Variants in CTR9 observed in about 807,000 individuals in gnomAD.
CTR9 encodes RNA polymerase-associated protein CTR9 homolog.
In CTR9, 41 loss-of-function variants were observed where a neutral mutation model predicts 152.1. The ratio of observed to expected loss-of-function variants is 0.27; its 90% confidence interval spans 0.21 to 0.35. CTR9 has a LOEUF of 0.35. CTR9 is among the 10% of genes least tolerant of loss of function. CTR9 has a pLI of 1.00. For missense variants in CTR9, 917 were observed against 1,424.4 expected (o/e 0.64, Z 5.73); for synonymous variants, 476 against 496.2 (o/e 0.96, Z 0.54).
Position 10,775,312 on chromosome 11 carries a change from A to G in CTR9, c.2982+9A>G. 6.2e-7 allele frequency: 1 copy of G among 1,611,910 alleles called. No individual in the cohort carries two copies. On this transcript the variant is annotated intron_variant, in intron 23 of 24. Transcript: ENST00000361367. ...CAGAGAAGAAAAAGGCTGTAAGTTT[A>G]TAGTACTGTGTTTTTCTGTCCCCTA...
intron 19 of CTR9, 122 bp from the exon 20 acceptor site, chr11:10,772,398 C>A: frequency 1.2e-6 from 1 of 815,452 alleles, no homozygotes; most frequent in Non-Finnish European, 1.7e-6. Context: ...TAAAAAAAGA[C>A]TTCACATAGA....
intron 21 of CTR9, 51 bp from the exon 22 acceptor site, chr11:10,773,961 C>T (rs1457466537): frequency 1.2e-5 from 16 of 1,354,644 alleles, no homozygotes; most frequent in Non-Finnish European, 1.5e-5. Context: ...GCATTCTAAC[C>T]ACATTCCACC....
intron 24 of CTR9, among the ~76,000 whole-genome samples, chr11:10,777,808 C>T (rs1218546993): frequency 6.6e-6 from 1 of 152,204 alleles, no homozygotes; most frequent in Non-Finnish European, 1.5e-5. Context: ...TTTCACCTCC[C>T]TCACCGTTCC....
intron 4 of CTR9, among the ~76,000 whole-genome samples, chr11:10,756,100 G>GAGTTC (rs1451733857): frequency 6.6e-6 from 1 of 152,156 alleles, no homozygotes; most frequent in Non-Finnish European, 1.5e-5. Flanking sequence ...TTGAGGCCAG[G>GAGTTC]AGTTCAAGAC....
intron 19 of CTR9, 78 bp downstream of exon 19, chr11:10,771,694 G>A: frequency 1.0e-6 from 1 of 998,422 alleles, no homozygotes; most frequent in Non-Finnish European, 1.6e-6. Context: ...CCACAGTAGG[G>A]AACAGAGGTT....
chr11:10,756,302 A>T (rs1209895899), intron 4 of CTR9, among the ~76,000 whole-genome samples: 1 of 152,226 alleles, frequency 6.6e-6, no homozygotes, highest in Non-Finnish European at 1.5e-5. Flanking sequence ...GGTTTGTTAC[A>T]TAGGTAAACT....
In CTR9 at chr11:10,770,204, C is replaced by T. The variant is rs775122668; in HGVS notation, c.2110-6C>T. On this transcript the variant is annotated splice_region_variant and splice_polypyrimidine_tract_variant and intron_variant, in intron 16 of 24. Transcript: ENST00000361367. ...TGTTTTAATTAACTTTTTTCTTTTA[C>T]TGTAGTATGAAAACTGCCTCCGAAA... 9 of 1,581,952 alleles carry T rather than the reference C, an allele frequency of 5.7e-6. No homozygotes were observed. Among genetic ancestry groups the T allele is most frequent in the South Asian group, 4.6e-5 (4 of 86,626 alleles).
intron 5 of CTR9, among the ~76,000 whole-genome samples, chr11:10,757,170 A>G: frequency 6.6e-6 from 1 of 152,136 alleles, no homozygotes; most frequent in African/African-American, 2.4e-5. Flanking sequence ...CTGTGGTCCC[A>G]GCTCCTTAGG....
intron 6 of CTR9, 105 bp downstream of exon 6, chr11:10,760,426 G>C: frequency 1.8e-6 from 2 of 1,085,664 alleles, no homozygotes; most frequent in Non-Finnish European, 1.3e-6. Flanking sequence ...TAAGATTACA[G>C]ATTACAGAAG....
intron 7 of CTR9, among the ~76,000 whole-genome samples, chr11:10,762,301 A>G (rs922708940): frequency 6.6e-6 from 1 of 152,226 alleles, no homozygotes. Context: ...TTAGTAAAAC[A>G]TGGTGTCTGT....
At chr11:10,755,496 A>T (rs184045381) in intron 3 of CTR9, among the ~76,000 whole-genome samples, 182 bp from the exon 4 acceptor site, 64 of 152,332 alleles carry the variant, frequency 4.2e-4, no homozygotes, top group Non-Finnish European at 7.9e-4. Flanking sequence ...GGCACAGAAG[A>T]CTTACATTTC....
intron 7 of CTR9, 103 bp downstream of exon 7, chr11:10,762,157 T>G: frequency 2.7e-6 from 2 of 735,258 alleles, no homozygotes; most frequent in Middle Eastern, 7.8e-4. Flanking sequence ...AATGTCAGAT[T>G]TTTTCCCCCC....
intron 4 of CTR9, among the ~76,000 whole-genome samples, chr11:10,756,424 G>T (rs975868979): frequency 1.3e-5 from 2 of 151,990 alleles, no homozygotes; most frequent in African/African-American, 4.8e-5. Flanking sequence ...CCCTCCAAAA[G>T]GCCCCAGTAT....
At position 10,765,847 on chromosome 11, in the gene CTR9, G is replaced by A. The variant is rs541426912; in HGVS notation, c.1598-555G>A. Reference sequence around the variant, plus strand: ...TAAGCAAGATTTCAGTTGAATGCCAGACTGAATTTGAATTGATTTGATAGG... The same window carrying A: ...TAAGCAAGATTTCAGTTGAATGCCAAACTGAATTTGAATTGATTTGATAGG... On this transcript the variant is annotated intron_variant, in intron 12 of 24. Transcript: ENST00000361367. Among the ~76,000 whole-genome samples the A allele has an allele frequency of 7.7e-4, 117 of 152,280 alleles. 2 individuals are homozygous for A. In the South Asian group the frequency reaches 0.024, roughly 31 times the overall value.
At position 10,768,328 on chromosome 11, in the gene CTR9, T is replaced by A. The variant is rs757679349; in HGVS notation, c.1961-15T>A. The A allele has an allele frequency of 1.2e-6, 2 of 1,603,264 alleles. No individual in the cohort carries two copies. Among genetic ancestry groups the A allele is most frequent in the Non-Finnish European group, 1.7e-6 (2 of 1,176,788 alleles). On this transcript the variant is annotated splice_polypyrimidine_tract_variant and intron_variant, in intron 15 of 24. Coordinates refer to ENST00000361367, the MANE Select transcript of CTR9 (RefSeq NM_014633.5). ...ATTAGAAAATTGTTAAGTGTGAACC[T>A]TTTTATATCTTTAGGAGCTGTTTTG...
Position 10,762,120 on chromosome 11 carries a change from T to A in CTR9, c.849+66T>A, listed in dbSNP as rs969506809. 6 of 984,296 alleles carry A rather than the reference T, an allele frequency of 6.1e-6. No individual in the cohort carries two copies. The Admixed American group carries it at 8.2e-5, about 13-fold the overall frequency. The allele number at this position is 984,296 out of a possible 1,614,324, so 61.0% of individuals were successfully genotyped here. On this transcript the variant is annotated intron_variant, in intron 7 of 24. Transcript: ENST00000361367. Reference sequence around the variant, plus strand: ...TGTACTGCAATTGATATTTTATTTCTTTTTTAAACTTGGAAAGAAATTTGA... The same window carrying A: ...TGTACTGCAATTGATATTTTATTTCATTTTTAAACTTGGAAAGAAATTTGA...
intron 24 of CTR9, among the ~76,000 whole-genome samples, chr11:10,777,319 G>T (rs762618408): frequency 4.6e-5 from 7 of 152,058 alleles, no homozygotes; most frequent in Non-Finnish European, 7.4e-5. Flanking sequence ...ATCACTTGAG[G>T]CCAGAAGTTT....
At chr11:10,768,762 A>C (rs991267115) in intron 16 of CTR9, among the ~76,000 whole-genome samples, 3 of 152,210 alleles carry the variant, frequency 2.0e-5, no homozygotes, top group Admixed American at 6.5e-5. Context: ...TTGTACCTTA[A>C]CTTCATAGAA....
intron 18 of CTR9, 38 bp from the exon 19 acceptor site, chr11:10,771,507 C>T: frequency 7.1e-7 from 1 of 1,414,120 alleles, no homozygotes; most frequent in Non-Finnish European, 1.0e-6. Context: ...ATTAGAATCT[C>T]TTTTTTTAAA....
Sources: allele counts gnomAD v4.1 joint callset (sites outside exome capture counted in the v4.1 genomes callset), GRCh38; gene constraint gnomAD v4.1.1; transcripts MANE v1.5; gene names NCBI Gene and HGNC (gene_info 2026-07-23, HGNC 2026-07-21).